SLC25A42: variants seen among roughly 807,000 people sequenced by gnomAD.
SLC25A42 encodes mitochondrial coenzyme A transporter SLC25A42.
A neutral mutation model predicts 34.7 loss-of-function variants in SLC25A42; 19 were observed. That is an observed-to-expected ratio of 0.55 (90% CI 0.38 to 0.80). The LOEUF (loss-of-function observed/expected upper bound fraction) is 0.80. Among genes scored for constraint, SLC25A42 ranks in the 30% least tolerant of loss-of-function variants. The probability of loss-of-function intolerance (pLI) is 0.00; values close to 1 mark genes in which losing one functional copy is unlikely to be tolerated. For missense variants in SLC25A42, 364 were observed against 441.3 expected, an observed-to-expected ratio of 0.82 and a Z score of 1.57; for synonymous variants, 205 against 191.2, an observed-to-expected ratio of 1.07 and a Z score of -0.59.
chr19:19,072,761 C>T (rs1158047033), intron 1 of SLC25A42, among the ~76,000 whole-genome samples: 1 of 152,184 alleles, frequency 6.6e-6, no homozygotes, highest in East Asian at 1.9e-4. Context: ...CACATGCAGC[C>T]TCGACCTCCT....
At chr19:19,092,603 C>T (rs1282427724) in intron 1 of SLC25A42, among the ~76,000 whole-genome samples, 2 of 152,184 alleles carry the variant, frequency 1.3e-5, no homozygotes, top group South Asian at 2.1e-4. Context: ...AGGACTGTGA[C>T]CTCCTGAGGA....
chr19:19,076,536 C>T (rs144683518), intron 1 of SLC25A42, among the ~76,000 whole-genome samples: 19 of 152,250 alleles, frequency 1.2e-4, no homozygotes, highest in African/African-American at 2.6e-4. Flanking sequence ...AAGCTGAACA[C>T]GTCCACTCCC....
chr19:19,086,592 A>G (rs1476058006), intron 1 of SLC25A42, among the ~76,000 whole-genome samples: 1 of 151,994 alleles, frequency 6.6e-6, no homozygotes, highest in African/African-American at 2.4e-5. Flanking sequence ...AAAATTGTTT[A>G]TATTTAACGT....
chr19:19,080,655 G>A (rs1018069372), intron 1 of SLC25A42, among the ~76,000 whole-genome samples: 1 of 151,966 alleles, frequency 6.6e-6, no homozygotes, highest in African/African-American at 2.4e-5. Context: ...CATGGTGGTG[G>A]TGCATGCCTG....
chr19:19,084,900 C>G lies in SLC25A42; in HGVS notation c.-34-11191C>G, dbSNP rs529687379. On this transcript the variant is annotated intron_variant, in intron 1 of 7. Coordinates refer to ENST00000318596, the MANE Select transcript of SLC25A42 (RefSeq NM_178526.5). ...TCACTTGAGCCCAGGAGTTCCAGAT[C>G]AGCCTGGGCAACATAGCGAGACCCC... 8.2e-4 allele frequency among the ~76,000 whole-genome samples: 121 copies of G among 148,008 alleles called. 1 individual carries two copies. The highest frequency in any genetic ancestry group is 2.9e-3 in the African/African-American group (114 of 39,936).
At chr19:19,078,750 C>T (rs1414064041) in intron 1 of SLC25A42, among the ~76,000 whole-genome samples, 1 of 152,138 alleles carries the variant, frequency 6.6e-6, no homozygotes, top group Non-Finnish European at 1.5e-5. Context: ...TCCCACCACC[C>T]TGTTATCCTG....
chr19:19,094,502 C>T (rs1273760510), intron 1 of SLC25A42, among the ~76,000 whole-genome samples: 5 of 152,174 alleles, frequency 3.3e-5, no homozygotes, highest in African/African-American at 9.7e-5. Flanking sequence ...CCATGACTGG[C>T]ACCTCCACGT....
In SLC25A42 at chr19:19,096,083, C is replaced by A; in HGVS notation, c.-34-8C>A. On this transcript the variant is annotated splice_region_variant and splice_polypyrimidine_tract_variant and intron_variant, in intron 1 of 7. Transcript: ENST00000318596. ...GCCGTATCTTACCACCTCCCCTTAC[C>A]CCCCCAGGACCGAGTCTCCTGCCAT... 6.4e-7 allele frequency: 1 copy of A among 1,564,348 alleles called. No homozygotes were observed. The highest frequency in any genetic ancestry group is 8.8e-7 in the Non-Finnish European group (1 of 1,135,992).
chr19:19,091,996 G>A (rs1328417409), intron 1 of SLC25A42, among the ~76,000 whole-genome samples: 1 of 152,212 alleles, frequency 6.6e-6, no homozygotes, highest in African/African-American at 2.4e-5. Flanking sequence ...TGCTGGTGGT[G>A]CTGGGACTCC....
chr19:19,068,374 A>T (rs967733141), intron 1 of SLC25A42, among the ~76,000 whole-genome samples: 1 of 144,254 alleles, frequency 6.9e-6, no homozygotes, highest in Non-Finnish European at 1.5e-5. Context: ...AAAAAAAAGT[A>T]TATCATGTCG....
Position 19,106,422 on chromosome 19 carries a change from G to C in SLC25A42, c.497+37G>C. 1.3e-6 allele frequency: 2 copies of C among 1,547,146 alleles called. 1 individual carries two copies. The highest frequency in any genetic ancestry group is 2.3e-5 in the South Asian group (2 of 87,740). On this transcript the variant is annotated intron_variant, in intron 6 of 7. Coordinates refer to ENST00000318596, the MANE Select transcript of SLC25A42 (RefSeq NM_178526.5). ...CATCGGTGATGCGCATCAGCCCCGG[G>C]GGCTCTGTGTCTCGGGGGCTCCCAG...
intron 5 of SLC25A42, 50 bp downstream of exon 5, chr19:19,105,777 C>T: frequency 2.1e-6 from 3 of 1,453,830 alleles, no homozygotes; most frequent in Non-Finnish European, 2.8e-6. Context: ...CACGCCCGCC[C>T]CTCTCTCTTT....
chr19:19,103,252 C>T (rs769893780), intron 3 of SLC25A42, among the ~76,000 whole-genome samples: 8 of 152,082 alleles, frequency 5.3e-5, no homozygotes, highest in Non-Finnish European at 1.0e-4. Context: ...CACCACCACG[C>T]CTGGCTAATT....
intron 2 of SLC25A42, among the ~76,000 whole-genome samples, chr19:19,099,649 G>A (rs1222970036): frequency 6.6e-6 from 1 of 152,144 alleles, no homozygotes; most frequent in African/African-American, 2.4e-5. Flanking sequence ...CCTGAGTAGT[G>A]CGCCACATCC....
intron 3 of SLC25A42, among the ~76,000 whole-genome samples, chr19:19,103,447 CAG>C (rs955742021): frequency 2.0e-5 from 3 of 152,174 alleles, no homozygotes; most frequent in Non-Finnish European, 2.9e-5. Flanking sequence ...CACCCTAACC[CAG>C]TATGACCTTA....
intron 1 of SLC25A42, among the ~76,000 whole-genome samples, chr19:19,080,798 T>TACA (rs1178960751): frequency 1.3e-5 from 2 of 151,738 alleles, no homozygotes; most frequent in African/African-American, 4.8e-5. Flanking sequence ...TACCTATCTG[T>TACA]GGTCCCAGCT....
At chr19:19,066,700 C>G (rs1032551647) in intron 1 of SLC25A42, among the ~76,000 whole-genome samples, 2 of 152,102 alleles carry the variant, frequency 1.3e-5, no homozygotes, top group African/African-American at 2.4e-5. Context: ...ATCAGCCTGC[C>G]TCGGTCTCCC....
intron 1 of SLC25A42, among the ~76,000 whole-genome samples, chr19:19,073,331 G>T (rs1354701044): frequency 6.6e-6 from 1 of 152,182 alleles, no homozygotes; most frequent in South Asian, 2.1e-4. Context: ...AGTGGAGAGT[G>T]GCCCCTCAAG....
At chr19:19,069,284 C>T (rs2059617634) in intron 1 of SLC25A42, among the ~76,000 whole-genome samples, 1 of 152,232 alleles carries the variant, frequency 6.6e-6, no homozygotes, top group Admixed American at 6.5e-5. Context: ...GCTGAGCTCT[C>T]TGCCAGCCCA....
Sources: gnomAD v4.1 joint callset for allele counts (sites outside exome capture counted in the v4.1 genomes callset) on GRCh38, gnomAD v4.1.1 for gene constraint, MANE v1.5 for transcripts, NCBI Gene and HGNC (gene_info 2026-07-23, HGNC 2026-07-21) for gene names.